The following SOX5 variants were observed in gnomAD, a reference collection of about 807,000 sequenced individuals.
The protein encoded by SOX5 is SRY-box transcription factor 5.
Under a neutral mutation model 92.0 loss-of-function variants are expected in SOX5, and 9 were observed. That is an observed-to-expected ratio of 0.10 (90% confidence interval 0.06 to 0.17). SOX5 has a LOEUF of 0.17. SOX5 is among the 10% of genes least tolerant of loss of function. SOX5 has a pLI of 1.00. For synonymous variants in SOX5, 344 were observed against 336.3 expected (o/e 1.02, Z -0.25); for missense variants, 642 against 944.5 (o/e 0.68, Z 4.20).
At chr12:24,192,714 C>G (rs1342551681) in intron 4 of SOX5, among the ~76,000 whole-genome samples, 1 of 152,158 alleles carries the variant, frequency 6.6e-6, no homozygotes. Flanking sequence ...TTCTTGGGCT[C>G]AGATAGAAAT....
At chr12:24,097,556 T>C (rs891235114) in intron 4 of SOX5, among the ~76,000 whole-genome samples, 1 of 151,988 alleles carries the variant, frequency 6.6e-6, no homozygotes, top group Non-Finnish European at 1.5e-5. Context: ...TTATATGGTG[T>C]AAGGTAAGGG....
At chr12:24,514,944 T>C (rs1949647965) in intron 1 of SOX5, among the ~76,000 whole-genome samples, 1 of 152,022 alleles carries the variant, frequency 6.6e-6, no homozygotes, top group Admixed American at 6.5e-5. Context: ...AACTAATGGG[T>C]ACTAGGCTTA....
intron 6 of SOX5, among the ~76,000 whole-genome samples, chr12:23,723,109 G>A (rs904525670): frequency 2.6e-5 from 4 of 151,880 alleles, no homozygotes; most frequent in South Asian, 2.1e-4. Flanking sequence ...TCATGACAAC[G>A]TACCCTCTAT....
chr12:24,049,064 C>A (rs1957303080), intron 4 of SOX5, among the ~76,000 whole-genome samples: 1 of 152,050 alleles, frequency 6.6e-6, no homozygotes, highest in African/African-American at 2.4e-5. Context: ...AAAAAAAATG[C>A]AGTTACATAA....
Position 23,604,422 on chromosome 12 carries a change from C to T in SOX5, c.1129G>A (p.Asp377Asn), listed in dbSNP as rs371364235. The change falls in exon 9 of 15, where the codon GAC becomes AAC. Residue 377 changes from aspartate to asparagine, a missense_variant. This residue lies in a region of SOX5 where 324 missense variants were observed against 461.6 expected (regional missense o/e 0.70). Transcript: ENST00000451604. ...GGTGGTGGGCTGTTTGTGCTCTTGT[C>T]TGTGTGAATGCTGGTAGGAGATACA... ...AAVSPTSIHT[D>N]KSTNSPPPKS... 9 of 1,613,640 alleles carry T rather than the reference C, an allele frequency of 5.6e-6. No individual in the cohort carries two copies. Among genetic ancestry groups the T allele is most frequent in the Non-Finnish European group, 7.6e-6 (9 of 1,179,794 alleles).
At chr12:23,582,834 A>T (rs868598516) in intron 9 of SOX5, among the ~76,000 whole-genome samples, 17 of 152,156 alleles carry the variant, frequency 1.1e-4, no homozygotes, top group Middle Eastern at 3.4e-3. Flanking sequence ...ATGTTCTTCA[A>T]TGTGGTAATT....
intron 4 of SOX5, among the ~76,000 whole-genome samples, chr12:23,959,135 A>T (rs1466682882): frequency 6.6e-6 from 1 of 151,906 alleles, no homozygotes; most frequent in East Asian, 1.9e-4. Context: ...TCAAAATTAA[A>T]ATACTATCAT....
At chr12:24,471,542 C>A (rs1023690311) in intron 1 of SOX5, among the ~76,000 whole-genome samples, 1 of 152,144 alleles carries the variant, frequency 6.6e-6, no homozygotes, top group African/African-American at 2.4e-5. Flanking sequence ...CTGACCCATT[C>A]TCTTGAAGTT....
intron 2 of SOX5, among the ~76,000 whole-genome samples, chr12:23,847,009 G>C (rs921248994): frequency 6.6e-6 from 1 of 151,930 alleles, no homozygotes; most frequent in African/African-American, 2.4e-5. Context: ...ATAGTCTATT[G>C]TCATTTTCTC....
intron 3 of SOX5, among the ~76,000 whole-genome samples, chr12:23,767,466 T>C (rs2094776221): frequency 6.6e-6 from 1 of 152,008 alleles, no homozygotes; most frequent in South Asian, 2.1e-4. Flanking sequence ...GGAGATAAAG[T>C]CCTCTTTATT....
chr12:24,229,129 A>G (rs913824459), intron 3 of SOX5, among the ~76,000 whole-genome samples: 4 of 152,206 alleles, frequency 2.6e-5, no homozygotes, highest in African/African-American at 9.6e-5. Context: ...TGTGGATGGC[A>G]CACGTTTTGT....
At chr12:23,876,527 G>A (rs113080897) in intron 2 of SOX5, among the ~76,000 whole-genome samples, 11 of 152,304 alleles carry the variant, frequency 7.2e-5, no homozygotes, top group East Asian at 3.9e-4. Context: ...TACACTGTTC[G>A]TAGGAGTATA....
At chr12:23,790,287 AATC>A (rs2095447928) in intron 3 of SOX5, among the ~76,000 whole-genome samples, 1 of 152,310 alleles carries the variant, frequency 6.6e-6, no homozygotes, top group South Asian at 2.1e-4. Flanking sequence ...ATTATTTCAT[AATC>A]ATATCTTAAG....
intron 1 of SOX5, among the ~76,000 whole-genome samples, chr12:24,433,497 C>T (rs1228679234): frequency 6.6e-6 from 1 of 152,072 alleles, no homozygotes; most frequent in Non-Finnish European, 1.5e-5. Context: ...TAAGGATAGA[C>T]ATTTGATTAA....
chr12:24,467,982 CCAAGATAACATAATTAGAATTT>C (rs1195473181), intron 1 of SOX5, among the ~76,000 whole-genome samples: 3 of 152,078 alleles, frequency 2.0e-5, no homozygotes, highest in African/African-American at 7.2e-5. Flanking sequence ...CCTTGGAGGA[CCAAGATAACATAATTAGAATTT>C]CAAGTGGAAA....
chr12:24,540,229 C>T (rs766053584), intron 1 of SOX5, among the ~76,000 whole-genome samples: 1 of 152,080 alleles, frequency 6.6e-6, no homozygotes, highest in Non-Finnish European at 1.5e-5. Context: ...AAATATACTG[C>T]TAATTATGTA....
At chr12:24,178,864 G>A (rs933325225) in intron 4 of SOX5, among the ~76,000 whole-genome samples, 5 of 152,156 alleles carry the variant, frequency 3.3e-5, no homozygotes, top group African/African-American at 4.8e-5. Context: ...ATCTAAGTCT[G>A]CCTGTCTTCA....
chr12:24,225,046 A>G (rs1030802662), intron 3 of SOX5, among the ~76,000 whole-genome samples: 23 of 152,318 alleles, frequency 1.5e-4, no homozygotes, highest in African/African-American at 5.3e-4. Context: ...CCATTGGATA[A>G]AAGAAATTAC....
chr12:24,002,428 T>C (rs189170784), intron 4 of SOX5, among the ~76,000 whole-genome samples: 299 of 152,132 alleles, frequency 2.0e-3, no homozygotes, highest in Middle Eastern at 3.4e-3. Context: ...AAGGCATTCA[T>C]TGAAAAACGT....
Sources: gnomAD v4.1 joint callset for allele counts (sites outside exome capture counted in the v4.1 genomes callset) on GRCh38, gnomAD v4.1.1 for gene constraint, gnomAD v4.1.1 regional missense constraint, MANE v1.5 for transcripts, NCBI Gene and HGNC (gene_info 2026-07-23, HGNC 2026-07-21) for gene names.